The following DNER variants were observed in gnomAD, a reference collection of about 807,000 sequenced individuals.
DNER encodes the protein delta/notch like EGF repeat containing.
DNER carries 33 observed loss-of-function variants against 78.2 expected under a neutral mutation model. The ratio of observed to expected loss-of-function variants is 0.42; its 90% CI spans 0.32 to 0.56. DNER has a LOEUF of 0.56. DNER is among the 20% of genes least tolerant of loss of function. DNER has a pLI of 0.11. For missense variants in DNER, 918 were observed against 975.3 expected (o/e 0.94, Z 0.78); for synonymous variants, 417 against 384.8 (o/e 1.08, Z -0.98).
chr2:229,644,620 T>C (rs1483655559), intron 1 of DNER, among the ~76,000 whole-genome samples: 1 of 152,080 alleles, frequency 6.6e-6, no homozygotes, highest in Admixed American at 6.5e-5. Context: ...GTGCTGGGAT[T>C]TTTGAAGAGA....
At chr2:229,672,104 A>G (rs180849865) in intron 1 of DNER, among the ~76,000 whole-genome samples, 2 of 152,304 alleles carry the variant, frequency 1.3e-5, no homozygotes, top group South Asian at 2.1e-4. Context: ...GACAAGGACA[A>G]CAATGATTTG....
At chr2:229,639,223 T>C (rs1698574233) in intron 1 of DNER, among the ~76,000 whole-genome samples, 1 of 152,194 alleles carries the variant, frequency 6.6e-6, no homozygotes. Flanking sequence ...TAAGCACCAA[T>C]TATTTTAGAC....
chr2:229,591,879 C>A lies in DNER; in HGVS notation c.286G>T (p.Asp96Tyr). 6.4e-7 allele frequency: 1 copy of A among 1,574,654 alleles called. No individual in the cohort carries two copies. The highest frequency in any genetic ancestry group is 2.3e-5 in the East Asian group (1 of 44,054). ...ISGANCQLVA[D>Y]PCASNPCHHG... ...TGACAAGGGTTGCTGGCACAAGGAT[C>A]TGCAACAAGCTGAAACGAGACCATA... Residue 96 changes from aspartate to tyrosine, a missense_variant, in exon 2 of 13, where the codon GAT (aspartate) becomes TAT (tyrosine). Transcript: ENST00000341772. The surrounding 1 kb of genome is among the most constrained non-coding windows in gnomAD (Gnocchi z 4.6).
chr2:229,448,196 A>AG (rs758370534), intron 7 of DNER, among the ~76,000 whole-genome samples: 2 of 152,326 alleles, frequency 1.3e-5, no homozygotes, highest in Admixed American at 6.5e-5. Flanking sequence ...AAAAAAAAAA[A>AG]TAAGTACTGA....
chr2:229,691,024 CTT>C (rs1699562878), intron 1 of DNER, among the ~76,000 whole-genome samples: 1 of 152,134 alleles, frequency 6.6e-6, no homozygotes, highest in African/African-American at 2.4e-5. Flanking sequence ...CAGTTTGAGT[CTT>C]TTGTTTCCTC....
chr2:229,527,333 C>A (rs926597570), intron 5 of DNER, among the ~76,000 whole-genome samples: 5 of 152,186 alleles, frequency 3.3e-5, no homozygotes, highest in Non-Finnish European at 7.3e-5. Context: ...ACCCAGATCC[C>A]TGTTCTCACA....
At chr2:229,389,239 A>C (rs1416792111) in intron 10 of DNER, among the ~76,000 whole-genome samples, 1 of 152,034 alleles carries the variant, frequency 6.6e-6, no homozygotes, top group Non-Finnish European at 1.5e-5. Context: ...CTTCAGAGAG[A>C]ACCTGATAGA....
At chr2:229,444,360 G>C (rs957557976) in intron 8 of DNER, among the ~76,000 whole-genome samples, 1 of 152,276 alleles carries the variant, frequency 6.6e-6, no homozygotes, top group Admixed American at 6.5e-5. Flanking sequence ...GGGGAAAACT[G>C]AGTCCCAGAG....
rs909160067 is a variant in DNER, at chr2:229,500,866, G to A, written c.1147+11917C>T. On this transcript the variant is annotated intron_variant, in intron 6 of 12. Coordinates refer to ENST00000341772, the MANE Select transcript of DNER (RefSeq NM_139072.4). ...TCACCCCCCTCCCGCCCTTTCCACC[G>A]AGTCCCCAAAGTCCATTGTATCATT... Among the ~76,000 whole-genome samples, 20 of 151,874 alleles carry A rather than the reference G, an allele frequency of 1.3e-4. 1 individual carries two copies. Among genetic ancestry groups the A allele is most frequent in the Admixed American group, 9.2e-4 (14 of 15,242 alleles).
intron 1 of DNER, among the ~76,000 whole-genome samples, chr2:229,595,284 ATT>A (rs11389038): frequency 1.9e-4 from 27 of 145,676 alleles, no homozygotes; most frequent in African/African-American, 4.3e-4. Flanking sequence ...GTATTCACTA[ATT>A]TTTTTTTTTT....
intron 11 of DNER, among the ~76,000 whole-genome samples, chr2:229,377,594 C>T (rs1165414229): frequency 1.3e-5 from 2 of 152,178 alleles, no homozygotes; most frequent in East Asian, 1.9e-4. Flanking sequence ...TAAATCACTA[C>T]AGCTATTTGA....
At chr2:229,506,054 T>C (rs1318869139) in intron 6 of DNER, among the ~76,000 whole-genome samples, 4 of 152,332 alleles carry the variant, frequency 2.6e-5, no homozygotes, top group Non-Finnish European at 5.9e-5. Context: ...TCCAGCACAA[T>C]TCTGATGAAT....
chr2:229,618,993 CA>C (rs1343287576), intron 1 of DNER, among the ~76,000 whole-genome samples: 2 of 152,054 alleles, frequency 1.3e-5, no homozygotes, highest in Non-Finnish European at 2.9e-5. Flanking sequence ...CCCATCTCTA[CA>C]AAAAATTTTA....
chr2:229,509,512 C>T (rs1320777627), intron 6 of DNER, among the ~76,000 whole-genome samples: 2 of 152,196 alleles, frequency 1.3e-5, no homozygotes, highest in African/African-American at 4.8e-5. Flanking sequence ...GCTTAACAAT[C>T]CTTTTAAAAA....
At chr2:229,512,373 T>C (rs1695881047) in intron 6 of DNER, among the ~76,000 whole-genome samples, 1 of 100,814 alleles carries the variant, frequency 9.9e-6, no homozygotes, top group Admixed American at 9.4e-5. Context: ...AGAGTGAGAC[T>C]CTGTCTCAAA....
rs184449208 is a variant in DNER at position 229,563,883 on chromosome 2, C to T, written c.848-16791G>A. Among the ~76,000 whole-genome samples the T allele has an allele frequency of 6.4e-3, 965 of 149,624 alleles. 2 individuals carry two copies. Among genetic ancestry groups the T allele is most frequent in the South Asian group, 0.02 (94 of 4,604 alleles). On this transcript the variant is annotated intron_variant, in intron 4 of 12. Transcript: ENST00000341772. Reference sequence around the variant, plus strand: ...ATCCTCCTCACCCCTTCACCATCATCGTCATCACCCCATCACCATCATCAT... The same window carrying T: ...ATCCTCCTCACCCCTTCACCATCATTGTCATCACCCCATCACCATCATCAT...
chr2:229,597,606 C>T (rs532113762), intron 1 of DNER, among the ~76,000 whole-genome samples: 20 of 152,136 alleles, frequency 1.3e-4, no homozygotes, highest in African/African-American at 4.6e-4. Context: ...TGATATTTTC[C>T]GAGCTATAAT....
chr2:229,669,331 G>A (rs1454498454), intron 1 of DNER, among the ~76,000 whole-genome samples: 8 of 150,170 alleles, frequency 5.3e-5, no homozygotes, highest in African/African-American at 1.2e-4. Context: ...AAACCTGCAC[G>A]TTCCGCACAT....
intron 7 of DNER, among the ~76,000 whole-genome samples, chr2:229,468,071 T>C (rs986028119): frequency 6.6e-6 from 1 of 152,352 alleles, no homozygotes; most frequent in Admixed American, 6.5e-5. Context: ...AAACCGCCTT[T>C]GCAGAATGAT....
Sources: gnomAD v4.1 joint callset for allele counts (sites outside exome capture counted in the v4.1 genomes callset) on GRCh38, gnomAD v4.1.1 for gene constraint, Gnocchi (gnomAD v3.1) non-coding constraint, MANE v1.5 for transcripts, NCBI Gene and HGNC (gene_info 2026-07-23, HGNC 2026-07-21) for gene names.